SLC25A24: variants seen among roughly 807,000 people sequenced by gnomAD.
The protein encoded by SLC25A24 is solute carrier family 25 member 24, also known as mitochondrial adenyl nucleotide antiporter SLC25A24.
In SLC25A24, 49 loss-of-function variants were observed where a neutral mutation model predicts 60.7. That is an observed-to-expected ratio of 0.81 (90% CI 0.64 to 1.02). The LOEUF (loss-of-function observed/expected upper bound fraction) is 1.02. Among genes scored for constraint, SLC25A24 ranks in the 50% least tolerant of loss-of-function variants. SLC25A24 has a pLI of 0.00. For missense variants in SLC25A24, 564 were observed against 586.3 expected, an observed-to-expected ratio of 0.96 and a Z score of 0.39; for synonymous variants, 202 against 200.6, an observed-to-expected ratio of 1.01 and a Z score of -0.06.
intron 3 of SLC25A24, among the ~76,000 whole-genome samples, chr1:108,165,176 G>A (rs1426486383): frequency 6.6e-6 from 1 of 151,862 alleles, no homozygotes; most frequent in Non-Finnish European, 1.5e-5. Flanking sequence ...TATAATTTCT[G>A]TTCTTTTACA....
chr1:108,167,659 G>C (rs1647249343), intron 3 of SLC25A24, among the ~76,000 whole-genome samples: 1 of 152,190 alleles, frequency 6.6e-6, no homozygotes, highest in South Asian at 2.1e-4. Context: ...CTCGCGCACG[G>C]TGCGCACACC....
chr1:108,163,981 A>G (rs889382158), intron 3 of SLC25A24, among the ~76,000 whole-genome samples: 1 of 152,202 alleles, frequency 6.6e-6, no homozygotes, highest in Non-Finnish European at 1.5e-5. Context: ...TACCTAATTT[A>G]TTGAAAGTTT....
chr1:108,199,993 C>T lies in SLC25A24; in HGVS notation c.146G>A (p.Arg49Lys). 2 of 1,611,272 alleles carry T rather than the reference C, an allele frequency of 1.2e-6. No homozygotes were observed. Among genetic ancestry groups the T allele is most frequent in the Non-Finnish European group, 1.7e-6 (2 of 1,179,180 alleles). The change falls in exon 1 of 10, where the codon AGG (arginine) becomes AAG (lysine). Residue 49 changes from arginine (R) to lysine (K), a missense_variant. By Grantham distance (26) the Arg-to-Lys change is conservative (BLOSUM62 2). Coordinates refer to ENST00000565488, the MANE Select transcript of SLC25A24 (RefSeq NM_013386.5). ...VDIGELQEGL[R>K]NLGIPLGQDA... ...CTGGCCCAGAGGGATGCCCAGGTTC[C>T]TGAGCCCCTCCTGCAGCTCGCCGAT...
intron 4 of SLC25A24, among the ~76,000 whole-genome samples, chr1:108,160,161 G>A (rs1323174938): frequency 2.0e-5 from 3 of 151,910 alleles, no homozygotes; most frequent in Admixed American, 6.6e-5. Flanking sequence ...CTTCCCAGAC[G>A]GGGCGGCTGC....
rs748185865 is a variant in SLC25A24, at chr1:108,155,066, T to TA, written c.738dup (p.Ile247TyrfsTer18). On this transcript the variant is annotated frameshift_variant, in exon 6 of 10. Coordinates refer to ENST00000565488, the MANE Select transcript of SLC25A24 (RefSeq NM_013386.5). LOFTEE classifies it high-confidence loss of function. ...CCATTTCCCCTCCAAAGCGAGCGGA[T>TA]ACCTCCTTCTTTTACCATCTGTCGA... 1.2e-6 allele frequency: 2 copies of TA among 1,612,810 alleles called. No homozygotes were observed. The highest frequency in any genetic ancestry group is 2.2e-5 in the South Asian group (2 of 90,928).
Position 108,185,916 on chromosome 1 carries a change from C to T in SLC25A24, c.222G>A (p.Lys74=). ...FTTGDVNKDG[K]LDFEEFMKYL... ...ACTTCATAAATTCTTCAAAATCCAG[C>T]TTCCCATCTTTGTTGACATCTCCAG... The change falls in exon 2 of 10, where the codon AAG becomes AAA. Residue 74 remains lysine, a synonymous_variant. Transcript: ENST00000565488. The T allele has an allele frequency of 6.3e-7, 1 of 1,598,616 alleles. No individual in the cohort carries two copies. The highest frequency in any genetic ancestry group is 8.5e-7 in the Non-Finnish European group (1 of 1,170,034).
chr1:108,199,779 CG>C, intron 1 of SLC25A24, 176 bp downstream of exon 1: 1 of 600,144 alleles, frequency 1.7e-6, no homozygotes, highest in Non-Finnish European at 3.0e-6. Context: ...CTTCTGTTAC[CG>C]GGGTCGCCGG....
chr1:108,134,919 G>C lies in SLC25A24; in HGVS notation c.*1734C>G, dbSNP rs556960119. On this transcript the variant is annotated 3_prime_UTR_variant, in exon 10 of 10. Transcript: ENST00000565488. ...TTCAACTCTCGGCTTTTTTCCAAAA[G>C]ATACAGAATCATTTTTTGGAAAAGA... is the stretch of plus-strand genomic sequence containing the variant. 6.6e-6 allele frequency: 1 copy of C among 152,026 alleles called. No individual in the cohort carries two copies. The highest frequency in any genetic ancestry group is 2.1e-4 in the South Asian group (1 of 4,818). 9.4% of individuals were successfully genotyped at this position (152,026 alleles called of 1,614,324 possible). A position where few individuals can be genotyped will look rare whatever the true frequency, so the allele number is the denominator to read the frequency against.
At chr1:108,189,404 A>G (rs1334775817) in intron 1 of SLC25A24, among the ~76,000 whole-genome samples, 1 of 152,194 alleles carries the variant, frequency 6.6e-6, no homozygotes, top group African/African-American at 2.4e-5. Context: ...AAATCTCTCA[A>G]CATTCTGTGC....
intron 8 of SLC25A24, among the ~76,000 whole-genome samples, chr1:108,139,968 T>C (rs919210378): frequency 6.6e-6 from 1 of 152,182 alleles, no homozygotes; most frequent in African/African-American, 2.4e-5. Context: ...GGCCATACTT[T>C]ATCCCTGTTA....
chr1:108,182,070 GGTA>G, intron 2 of SLC25A24, 42 bp from the exon 3 acceptor site: 1 of 1,274,590 alleles, frequency 7.8e-7, no homozygotes, highest in Non-Finnish European at 1.1e-6. Context: ...ACTCAGAACT[GGTA>G]AGAACCACAG....
rs1279863094 is a variant in SLC25A24, at chr1:108,185,866, AT to A, written c.271del (p.Met91Ter). 1.9e-6 allele frequency: 3 copies of A among 1,590,476 alleles called. No individual in the cohort carries two copies. Among genetic ancestry groups the A allele is most frequent in the Non-Finnish European group, 2.6e-6 (3 of 1,163,320 alleles). The stretch of plus-strand genomic sequence containing the variant: ...GTCTAAACTCTTAAATGCCAATTTC[AT>A]TTTCTTCTCATGGTCTTTAAGGTAC... ...MKYLKDHEKK[M>X]KLAFKSLDKN... is the part of the protein sequence containing the mutation. On this transcript the variant is annotated frameshift_variant, in exon 2 of 10. Transcript: ENST00000565488. LOFTEE classifies it high-confidence loss of function.
chr1:108,164,739 C>A (rs574811325), intron 3 of SLC25A24, among the ~76,000 whole-genome samples: 19 of 137,154 alleles, frequency 1.4e-4, no homozygotes, highest in African/African-American at 4.8e-4. Flanking sequence ...CTTTCAAAAA[C>A]AACCAGCTCC....
At chr1:108,162,673 C>A (rs923367188) in intron 3 of SLC25A24, among the ~76,000 whole-genome samples, 1 of 151,926 alleles carries the variant, frequency 6.6e-6, no homozygotes, top group Non-Finnish European at 1.5e-5. Flanking sequence ...TGTTTGAGTT[C>A]ATTGTAGATT....
chr1:108,176,734 G>A (rs947784442), intron 3 of SLC25A24, among the ~76,000 whole-genome samples: 31 of 152,256 alleles, frequency 2.0e-4, no homozygotes, highest in South Asian at 6.2e-4. Flanking sequence ...TATTTAAAGC[G>A]TTCAAGGAGA....
chr1:108,169,971 A>G (rs1260742590), intron 3 of SLC25A24, among the ~76,000 whole-genome samples: 1 of 151,974 alleles, frequency 6.6e-6, no homozygotes, highest in East Asian at 1.9e-4. Flanking sequence ...GTCTTTTCCA[A>G]CAGTTTCTGG....
chr1:108,173,169 C>T (rs1209732903), intron 3 of SLC25A24, among the ~76,000 whole-genome samples: 1 of 152,034 alleles, frequency 6.6e-6, no homozygotes, highest in Non-Finnish European at 1.5e-5. Context: ...GATTTCGATA[C>T]CAGCCTAGAT....
chr1:108,172,490 T>C (rs903237369), intron 3 of SLC25A24, among the ~76,000 whole-genome samples: 1 of 152,166 alleles, frequency 6.6e-6, no homozygotes, highest in African/African-American at 2.4e-5. Flanking sequence ...GGTGAGCAAG[T>C]GTGTCAGATG....
At position 108,157,528 on chromosome 1, in the gene SLC25A24, T is replaced by C. The variant is rs765773886; in HGVS notation, c.603A>G (p.Gly201=). The C allele has an allele frequency of 2.5e-6, 4 of 1,614,148 alleles. No homozygotes were observed. Among genetic ancestry groups the C allele is most frequent in the Non-Finnish European group, 3.4e-6 (4 of 1,180,026 alleles). Reference sequence around the variant, plus strand: ...TTCGAGAGACAGCACCAGCAATGCCTCCTGCCAAAAGCTGCCTCCACCATT... The same window carrying C: ...TTCGAGAGACAGCACCAGCAATGCCCCCTGCCAAAAGCTGCCTCCACCATT... ...SGQWWRQLLA[G]GIAGAVSRTS... Residue 201 remains glycine, a synonymous_variant, in exon 5 of 10, where the codon GGA becomes GGG. Transcript: ENST00000565488.
Sources: allele counts gnomAD v4.1 joint callset (sites outside exome capture counted in the v4.1 genomes callset), GRCh38; gene constraint gnomAD v4.1.1; transcripts MANE v1.5; gene names NCBI Gene and HGNC (gene_info 2026-07-23, HGNC 2026-07-21).